Variants in TRAF3 observed in about 807,000 individuals in gnomAD.
TRAF3 encodes the protein TNF receptor-associated factor 3.
TRAF3 carries 13 observed loss-of-function variants against 62.3 expected under a neutral mutation model. The ratio of observed to expected loss-of-function variants is 0.21; its 90% CI spans 0.14 to 0.33. The LOEUF (loss-of-function observed/expected upper bound fraction) is 0.33, where lower values mean the gene tolerates loss of function less well. TRAF3 is among the 10% of genes least tolerant of loss of function. The probability of loss-of-function intolerance (pLI) is 1.00; values close to 1 mark genes in which losing one functional copy is unlikely to be tolerated. For synonymous variants in TRAF3, 269 were observed against 283.4 expected (o/e 0.95, Z 0.51); for missense variants, 440 against 741.8 (o/e 0.59, Z 4.73).
intron 2 of TRAF3, among the ~76,000 whole-genome samples, chr14:102,838,744 A>T (rs1405120676): frequency 6.6e-6 from 1 of 152,046 alleles, no homozygotes; most frequent in African/African-American, 2.4e-5. Flanking sequence ...GGCAGGGTCT[A>T]CTCACACCCA....
At chr14:102,894,244 G>A (rs1005408389) in intron 9 of TRAF3, among the ~76,000 whole-genome samples, 3 of 151,986 alleles carry the variant, frequency 2.0e-5, no homozygotes, top group African/African-American at 7.3e-5. Context: ...AGAGAATGGC[G>A]TGAACCCGGG....
At chr14:102,838,961 C>T (rs1483690568) in intron 2 of TRAF3, among the ~76,000 whole-genome samples, 1 of 151,936 alleles carries the variant, frequency 6.6e-6, no homozygotes, top group Non-Finnish European at 1.5e-5. Flanking sequence ...CCTTTTTTGT[C>T]GGTACTTTTG....
At chr14:102,895,005 T>G in intron 9 of TRAF3, 1 of 449,714 alleles carries the variant, frequency 2.2e-6, no homozygotes, top group Non-Finnish European at 4.5e-6. Context: ...GCTGGCCTAT[T>G]GACAATGTTT....
At chr14:102,827,230 CCCT>C (rs1900375581) in intron 1 of TRAF3, among the ~76,000 whole-genome samples, 1 of 152,246 alleles carries the variant, frequency 6.6e-6, no homozygotes, top group Non-Finnish European at 1.5e-5. Flanking sequence ...CGGTGCCAAG[CCCT>C]CCTCCACCAC....
At position 102,887,403 on chromosome 14, in the gene TRAF3, G is replaced by A. The variant is rs187093358; in HGVS notation, c.651+1134G>A. Among the ~76,000 whole-genome samples the A allele has an allele frequency of 5.1e-3, 781 of 152,366 alleles. 11 individuals carry two copies. In the Middle Eastern group the frequency reaches 0.061, roughly 12 times the overall value. The stretch of plus-strand genomic sequence containing the variant: ...GACTCAGGGTAGAGGAGGGCCCAGA[G>A]AGCCACTCTCCCCCAGGGTGTGCCC... On this transcript the variant is annotated intron_variant, in intron 7 of 11. Transcript: ENST00000392745.
intron 2 of TRAF3, among the ~76,000 whole-genome samples, chr14:102,848,533 ATAAAT>A (rs906168327): frequency 6.6e-6 from 1 of 152,268 alleles, no homozygotes; most frequent in African/African-American, 2.4e-5. Context: ...GCTATTTTTG[ATAAAT>A]TGAAAAGTGT....
intron 9 of TRAF3, among the ~76,000 whole-genome samples, chr14:102,892,047 CT>C (rs778938323): frequency 0.077 from 9,305 of 121,406 alleles, 957 homozygotes; most frequent in African/African-American, 0.25. Context: ...CCATGCTGTT[CT>C]TTTTTTTTTT....
chr14:102,835,498 T>C (rs1885946131), intron 2 of TRAF3, among the ~76,000 whole-genome samples: 1 of 152,210 alleles, frequency 6.6e-6, no homozygotes, highest in Non-Finnish European at 1.5e-5. Context: ...TGGAATCCAC[T>C]GAAATGCCTG....
At chr14:102,810,425 G>A (rs1899052486) in intron 1 of TRAF3, among the ~76,000 whole-genome samples, 1 of 152,196 alleles carries the variant, frequency 6.6e-6, no homozygotes, top group Admixed American at 6.5e-5. Flanking sequence ...AAGCTTTTAA[G>A]TAGGAGAATG....
Position 102,905,385 on chromosome 14 carries a change from G to A in TRAF3, c.1308G>A (p.Lys436=), listed in dbSNP as rs1595417350. The change falls in exon 12 of 12, where the codon AAG becomes AAA. Residue 436 remains lysine, a synonymous_variant. Transcript: ENST00000392745. The part of the protein sequence containing the change: ...KRRKQEAVMG[K]TLSLYSQPFY... ...GGAAGCAGGAGGCCGTCATGGGGAA[G>A]ACCCTGTCCCTTTACAGCCAGCCTT... 1.2e-6 allele frequency: 2 copies of A among 1,614,254 alleles called. No individual in the cohort carries two copies. Among genetic ancestry groups the A allele is most frequent in the South Asian group, 2.2e-5 (2 of 91,082 alleles).
chr14:102,849,331 G>A (rs967215824), intron 2 of TRAF3, among the ~76,000 whole-genome samples: 1 of 152,244 alleles, frequency 6.6e-6, no homozygotes, highest in Non-Finnish European at 1.5e-5. Flanking sequence ...AGTGCTGCCT[G>A]CACTTGGTTG....
At chr14:102,863,690 T>C (rs915228113) in intron 2 of TRAF3, among the ~76,000 whole-genome samples, 1 of 152,228 alleles carries the variant, frequency 6.6e-6, no homozygotes, top group African/African-American at 2.4e-5. Context: ...ACTCCTCAGC[T>C]TTTCTTCCCA....
At chr14:102,820,170 TGGG>T (rs1899804662) in intron 1 of TRAF3, among the ~76,000 whole-genome samples, 1 of 152,034 alleles carries the variant, frequency 6.6e-6, no homozygotes. Flanking sequence ...GTGAGCCACA[TGGG>T]GGGCTGGCAG....
At chr14:102,881,395 C>CAAAAAAAAAAAAA (rs57546209) in intron 6 of TRAF3, among the ~76,000 whole-genome samples, 11 of 117,434 alleles carry the variant, frequency 9.4e-5, no homozygotes, top group Non-Finnish European at 8.2e-5. Context: ...ACAACAAAAA[C>CAAAAAAAAAAAAA]AAAAAAAAAA....
chr14:102,877,907 C>T (rs1888808699), intron 6 of TRAF3, among the ~76,000 whole-genome samples: 1 of 152,244 alleles, frequency 6.6e-6, no homozygotes, highest in South Asian at 2.1e-4. Context: ...TTCCACAGGC[C>T]TTCTGCTCAA....
At chr14:102,805,631 G>A (rs1595303697) in intron 1 of TRAF3, among the ~76,000 whole-genome samples, 1 of 152,270 alleles carries the variant, frequency 6.6e-6, no homozygotes, top group South Asian at 2.1e-4. Flanking sequence ...CAGCCAGCTC[G>A]GTGATTCCAT....
At position 102,906,669 on chromosome 14, in the gene TRAF3, G is replaced by A. The variant is rs753239130; in HGVS notation, c.*885G>A. 2.0e-5 allele frequency: 3 copies of A among 152,208 alleles called. No homozygotes were observed. Among genetic ancestry groups the A allele is most frequent in the African/African-American group, 4.8e-5 (2 of 41,448 alleles). The allele number at this position is 152,208 out of a possible 1,614,324, so 9.4% of individuals were successfully genotyped here. On this transcript the variant is annotated 3_prime_UTR_variant, in exon 12 of 12. Transcript: ENST00000392745. ...GTTTTCACCCTAAAATAGGGCATCC[G>A]TTGAACTTTGGAGTTCTAAACAAAA... is the stretch of plus-strand genomic sequence containing the variant.
chr14:102,869,714 G>C (rs1430968498), intron 2 of TRAF3, among the ~76,000 whole-genome samples: 1 of 151,844 alleles, frequency 6.6e-6, no homozygotes, highest in Non-Finnish European at 1.5e-5. Context: ...GCTGAGGCAG[G>C]AGAATGGCAT....
chr14:102,787,407 T>C (rs1226060601), intron 1 of TRAF3, among the ~76,000 whole-genome samples: 1 of 152,058 alleles, frequency 6.6e-6, no homozygotes, highest in African/African-American at 2.4e-5. Flanking sequence ...CTGGGCGTGG[T>C]GGCTCACGCC....
Sources: gnomAD v4.1 joint callset for allele counts (sites outside exome capture counted in the v4.1 genomes callset) on GRCh38, gnomAD v4.1.1 for gene constraint, MANE v1.5 for transcripts, NCBI Gene and HGNC (gene_info 2026-07-23, HGNC 2026-07-21) for gene names.